The following BCR variants were observed in gnomAD, a reference collection of about 807,000 sequenced individuals.
BCR encodes the protein breakpoint cluster region protein.
Under a neutral mutation model 138.6 loss-of-function variants are expected in BCR, and 58 were observed. The observed-to-expected ratio is 0.42, with a 90% CI of 0.34 to 0.52. The LOEUF (loss-of-function observed/expected upper bound fraction) is 0.52, where lower values mean the gene tolerates loss of function less well. BCR is among the 20% of genes least tolerant of loss of function. BCR has a pLI of 0.06. For missense variants in BCR, 1,599 were observed against 1,727.2 expected, an observed-to-expected ratio of 0.93 and a Z score of 1.32; for synonymous variants, 786 against 730.1, an observed-to-expected ratio of 1.08 and a Z score of -1.23.
At chr22:23,264,236 G>C in intron 4 of BCR, 1 of 1,012,536 alleles carries the variant, frequency 9.9e-7, no homozygotes, top group Non-Finnish European at 1.6e-6. Flanking sequence ...GGGCCTGCCC[G>C]CACACCTTCC....
chr22:23,285,819 C>T (rs1270201130), intron 10 of BCR, among the ~76,000 whole-genome samples: 4 of 152,210 alleles, frequency 2.6e-5, no homozygotes, highest in South Asian at 2.1e-4. Flanking sequence ...GAAGAGTTAG[C>T]GCATGACAGC....
At chr22:23,312,561 G>A (rs1490717148) in intron 19 of BCR, 13 of 281,806 alleles carry the variant, frequency 4.6e-5, no homozygotes, top group South Asian at 2.8e-4. Context: ...GCTATCAGAC[G>A]ACACTGGTGC....
In BCR at chr22:23,285,169, T is replaced by A. The variant is rs373315288; in HGVS notation, c.2374T>A (p.Ser792Thr). ...GCTGGACGCTTTGAAGATCAAGATCTCCCAGATCAAGAATGACATCCAGAG... is the reference window on the plus strand; with the variant it reads ...GCTGGACGCTTTGAAGATCAAGATCACCCAGATCAAGAATGACATCCAGAG... Reference protein sequence around the residue: ...EELDALKIKISQIKNDIQREK... With the variant: ...EELDALKIKITQIKNDIQREK... Residue 792 changes from serine to threonine, a missense_variant, in exon 10 of 23, where the codon TCC (serine) becomes ACC (threonine). By Grantham distance (58) the Ser-to-Thr change is moderately conservative. Coordinates refer to ENST00000305877, the MANE Select transcript of BCR (RefSeq NM_004327.4). The A allele has an allele frequency of 6.2e-7, 1 of 1,613,392 alleles. No homozygotes were observed. The highest frequency in any genetic ancestry group is 8.5e-7 in the Non-Finnish European group (1 of 1,179,812).
At position 23,246,944 on chromosome 22, in the gene BCR, T is replaced by C. The variant is rs1230739725; in HGVS notation, c.1280-6855T>C. Among the ~76,000 whole-genome samples, 4 of 151,896 alleles carry C rather than the reference T, an allele frequency of 2.6e-5. No homozygotes were observed. The East Asian group carries it at 5.8e-4, about 22-fold the overall frequency. On this transcript the variant is annotated intron_variant, in intron 1 of 22. Transcript: ENST00000305877. Reference sequence around the variant, plus strand: ...GTAGAGTCTGCTCTTGGTGGGTGCATGGTGGTAAGAAGGTGCCAGGCTATG... The same window carrying C: ...GTAGAGTCTGCTCTTGGTGGGTGCACGGTGGTAAGAAGGTGCCAGGCTATG...
intron 12 of BCR, 68 bp from the exon 13 acceptor site, chr22:23,289,449 C>T: frequency 3.0e-6 from 4 of 1,339,500 alleles, no homozygotes; most frequent in Middle Eastern, 1.8e-4. Flanking sequence ...GGTGGAGGTC[C>T]AGTGGGAGGG....
chr22:23,249,980 T>C (rs974358636), intron 1 of BCR, among the ~76,000 whole-genome samples: 1 of 152,232 alleles, frequency 6.6e-6, no homozygotes, highest in Non-Finnish European at 1.5e-5. Flanking sequence ...AGTCTGGCCG[T>C]GAGACCTAGT....
chr22:23,307,239 G>T (rs1333060824), intron 16 of BCR, among the ~76,000 whole-genome samples: 2 of 152,108 alleles, frequency 1.3e-5, no homozygotes, highest in East Asian at 1.9e-4. Flanking sequence ...GGGACTGCAG[G>T]CACATGCCAC....
At chr22:23,252,945 G>A (rs958760620) in intron 1 of BCR, among the ~76,000 whole-genome samples, 2 of 152,200 alleles carry the variant, frequency 1.3e-5, no homozygotes, top group African/African-American at 4.8e-5. Flanking sequence ...CCACTGTTAA[G>A]GGCTCAGCTC....
chr22:23,291,247 G>A (rs1304310285), intron 14 of BCR: 2 of 151,946 alleles, frequency 1.3e-5, no homozygotes, highest in Admixed American at 1.3e-4. Flanking sequence ...AGCAAAATGT[G>A]GAGACAGAAA....
intron 14 of BCR, among the ~76,000 whole-genome samples, chr22:23,291,381 T>G (rs1457593991): frequency 6.6e-6 from 1 of 151,818 alleles, no homozygotes; most frequent in East Asian, 1.9e-4. Flanking sequence ...CGCTCACATT[T>G]ACATTTCCTA....
At chr22:23,191,517 CG>C (rs1221346427) in intron 1 of BCR, among the ~76,000 whole-genome samples, 3 of 152,172 alleles carry the variant, frequency 2.0e-5, no homozygotes, top group African/African-American at 7.2e-5. Context: ...CTTTCTTTAA[CG>C]GTATATTTGC....
rs551667497 is a variant in BCR, at chr22:23,181,363, G to T, written c.403G>T (p.Gly135Trp). The change falls in exon 1 of 23, where the codon GGG becomes TGG. Residue 135 changes from glycine to tryptophan, a missense_variant. Transcript: ENST00000305877. ...CAGGCCCGGGACCGCCCGCAGGCCC[G>T]GGGCAGCCGCGTCGGGGGAACGGGA... ...KARPGTARRP[G>W]AAASGERDDR... 2.0e-6 allele frequency: 3 copies of T among 1,519,112 alleles called. No homozygotes were observed. Among genetic ancestry groups the T allele is most frequent in the Non-Finnish European group, 2.6e-6 (3 of 1,139,840 alleles). 94.1% of individuals were successfully genotyped at this position (1,519,112 alleles called of 1,614,324 possible). A position where few individuals can be genotyped will look rare whatever the true frequency, so the allele number is the denominator to read the frequency against.
intron 1 of BCR, among the ~76,000 whole-genome samples, chr22:23,204,246 T>C (rs1272282942): frequency 6.6e-6 from 1 of 152,152 alleles, no homozygotes; most frequent in East Asian, 1.9e-4. Context: ...CCACGCTTGC[T>C]CCTCCTCTTG....
At chr22:23,227,324 G>T (rs566211794) in intron 1 of BCR, among the ~76,000 whole-genome samples, 16 of 152,314 alleles carry the variant, frequency 1.1e-4, no homozygotes, top group African/African-American at 3.8e-4. Context: ...GTATTCCCCA[G>T]TTACCAGTGG....
chr22:23,289,789 A>C, intron 13 of BCR, 168 bp downstream of exon 13: 1 of 644,206 alleles, frequency 1.6e-6, no homozygotes, highest in Non-Finnish European at 2.7e-6. Flanking sequence ...GGAGTGGACA[A>C]GGTGGGTTAG....
chr22:23,262,447 G>A (rs1286603614), intron 4 of BCR, among the ~76,000 whole-genome samples: 1 of 152,250 alleles, frequency 6.6e-6, no homozygotes, highest in Non-Finnish European at 1.5e-5. Flanking sequence ...GAACACAGAA[G>A]GCACTTAATT....
At chr22:23,226,908 G>T (rs1236592314) in intron 1 of BCR, among the ~76,000 whole-genome samples, 1 of 152,206 alleles carries the variant, frequency 6.6e-6, no homozygotes, top group Non-Finnish European at 1.5e-5. Flanking sequence ...AGTCCTATAG[G>T]TTTGGGTTTG....
intron 1 of BCR, among the ~76,000 whole-genome samples, chr22:23,213,050 T>C (rs947869865): frequency 2.8e-4 from 43 of 152,078 alleles, no homozygotes; most frequent in African/African-American, 9.7e-4. Context: ...CCTCACGGAG[T>C]GCTGCTCCTG....
intron 1 of BCR, among the ~76,000 whole-genome samples, chr22:23,226,612 T>G (rs138552166): frequency 2.6e-5 from 4 of 152,362 alleles, no homozygotes; most frequent in African/African-American, 9.6e-5. Flanking sequence ...TCCTGTCTGC[T>G]GCCTGTTTTT....
Sources: allele counts gnomAD v4.1 joint callset (sites outside exome capture counted in the v4.1 genomes callset), GRCh38; gene constraint gnomAD v4.1.1; transcripts MANE v1.5; gene names NCBI Gene and HGNC (gene_info 2026-07-23, HGNC 2026-07-21).